Variants in MGAT4C observed in about 807,000 individuals in gnomAD.
The protein encoded by MGAT4C is alpha-1,3-mannosyl-glycoprotein 4-beta-N-acetylglucosaminyltransferase C.
In MGAT4C, 19 loss-of-function variants were observed where a neutral mutation model predicts 40.1. That is an observed-to-expected ratio of 0.47 (90% CI 0.33 to 0.70). MGAT4C has a LOEUF of 0.70. Among genes scored for constraint, MGAT4C ranks in the 30% least tolerant of loss-of-function variants. The pLI is 0.02. For synonymous variants in MGAT4C, 181 were observed against 187.1 expected, an observed-to-expected ratio of 0.97 and a Z score of 0.27; for missense variants, 491 against 563.2, an observed-to-expected ratio of 0.87 and a Z score of 1.30.
chr12:86,632,830 A>C (rs1421474487), intron 2 of MGAT4C, among the ~76,000 whole-genome samples: 4 of 152,100 alleles, frequency 2.6e-5, no homozygotes, highest in Non-Finnish European at 1.5e-5. Context: ...TGGGTGCAGC[A>C]AACCAACATG....
At chr12:86,345,836 T>A (rs1955019810) in intron 3 of MGAT4C, among the ~76,000 whole-genome samples, 1 of 152,224 alleles carries the variant, frequency 6.6e-6, no homozygotes, top group Non-Finnish European at 1.5e-5. Context: ...CACACCGACC[T>A]TCACAATGGT....
chr12:86,541,741 T>G (rs983290363), intron 2 of MGAT4C, among the ~76,000 whole-genome samples: 3 of 152,210 alleles, frequency 2.0e-5, no homozygotes, highest in African/African-American at 7.2e-5. Flanking sequence ...TTTTTAATGA[T>G]TTATAAAAAT....
At chr12:86,356,474 T>G (rs1955313633) in intron 3 of MGAT4C, among the ~76,000 whole-genome samples, 2 of 152,030 alleles carry the variant, frequency 1.3e-5, no homozygotes, top group East Asian at 1.9e-4. Context: ...CTGGGGCTTG[T>G]TGGACACTGG....
In MGAT4C at chr12:86,066,310, T is replaced by C. The variant is rs1458320053; in HGVS notation, c.-56-16587A>G. Among the ~76,000 whole-genome samples, 4 of 152,168 alleles carry C rather than the reference T, an allele frequency of 2.6e-5. No homozygotes were observed. In the East Asian group the frequency reaches 7.7e-4, roughly 29 times the overall value. ...CATCATGCTACCTGACTTCAAACTA[T>C]ACTACAAGTCTACAGTAACCAAAAC... On this transcript the variant is annotated intron_variant, in intron 1 of 4. Coordinates refer to ENST00000611864, the MANE Select transcript of MGAT4C (RefSeq NM_001351288.2).
intron 3 of MGAT4C, among the ~76,000 whole-genome samples, chr12:86,387,332 T>C (rs1956071168): frequency 6.6e-6 from 1 of 152,102 alleles, no homozygotes; most frequent in Non-Finnish European, 1.5e-5. Context: ...ATATTCATCC[T>C]CTGTTTTCTA....
At chr12:86,565,953 A>G (rs1403572432) in intron 2 of MGAT4C, among the ~76,000 whole-genome samples, 1 of 152,140 alleles carries the variant, frequency 6.6e-6, no homozygotes, top group African/African-American at 2.4e-5. Flanking sequence ...GGCTACAGCT[A>G]CCGCTGAGTG....
intron 1 of MGAT4C, among the ~76,000 whole-genome samples, chr12:86,754,697 T>C (rs994054463): frequency 6.6e-6 from 1 of 152,124 alleles, no homozygotes; most frequent in Non-Finnish European, 1.5e-5. Flanking sequence ...GACTGTATAA[T>C]GGAATTAGGC....
intron 1 of MGAT4C, among the ~76,000 whole-genome samples, chr12:86,829,370 C>A (rs1280222001): frequency 6.6e-6 from 1 of 151,472 alleles, no homozygotes; most frequent in Non-Finnish European, 1.5e-5. Context: ...TCCTAAACAA[C>A]CATTAGGCTT....
At chr12:86,740,174 C>T (rs1213160773) in intron 1 of MGAT4C, among the ~76,000 whole-genome samples, 2 of 151,026 alleles carry the variant, frequency 1.3e-5, no homozygotes, top group Non-Finnish European at 3.0e-5. Context: ...GCTATGTTCT[C>T]TTTTTATGAA....
intron 2 of MGAT4C, among the ~76,000 whole-genome samples, chr12:86,552,718 G>T (rs1959426663): frequency 6.6e-6 from 1 of 152,012 alleles, no homozygotes; most frequent in African/African-American, 2.4e-5. Context: ...GGTAGAGAAT[G>T]TGAAAAAATA....
chr12:86,829,659 G>T (rs1952879971), intron 1 of MGAT4C, among the ~76,000 whole-genome samples: 1 of 151,082 alleles, frequency 6.6e-6, no homozygotes, highest in South Asian at 2.1e-4. Context: ...CTGCAATAAT[G>T]GTTTTGACAT....
intron 3 of MGAT4C, among the ~76,000 whole-genome samples, chr12:86,426,000 A>G (rs1054355286): frequency 6.6e-6 from 1 of 152,232 alleles, no homozygotes; most frequent in Admixed American, 6.5e-5. Flanking sequence ...ATAAAATAAA[A>G]ATTAAAAAGT....
intron 1 of MGAT4C, among the ~76,000 whole-genome samples, chr12:86,795,895 T>C (rs999020838): frequency 1.3e-5 from 2 of 152,006 alleles, no homozygotes; most frequent in Admixed American, 1.3e-4. Context: ...CTGTAAAGTG[T>C]GTCAGAATTA....
At chr12:86,446,845 C>A (rs1181382983) in intron 2 of MGAT4C, among the ~76,000 whole-genome samples, 1 of 150,626 alleles carries the variant, frequency 6.6e-6, no homozygotes, top group Non-Finnish European at 1.5e-5. Context: ...GTAATACTAA[C>A]CCTACCTGTA....
chr12:86,658,538 C>A (rs1332344635), intron 2 of MGAT4C, among the ~76,000 whole-genome samples: 1 of 151,908 alleles, frequency 6.6e-6, no homozygotes. Context: ...AAGAGGATTA[C>A]TATTAAAAGA....
intron 1 of MGAT4C, among the ~76,000 whole-genome samples, chr12:86,741,219 A>G (rs1010761926): frequency 7.3e-5 from 11 of 151,422 alleles, no homozygotes; most frequent in Admixed American, 2.0e-4. Flanking sequence ...TACTGTTGAC[A>G]ATAGCAAAGA....
At chr12:86,030,173 T>C (rs1890611217) in intron 2 of MGAT4C, among the ~76,000 whole-genome samples, 1 of 151,790 alleles carries the variant, frequency 6.6e-6, no homozygotes, top group Non-Finnish European at 1.5e-5. Context: ...TTTTCCCATG[T>C]AGATACAACT....
At chr12:86,771,851 A>T (rs1231382907) in intron 1 of MGAT4C, among the ~76,000 whole-genome samples, 1 of 152,124 alleles carries the variant, frequency 6.6e-6, no homozygotes, top group East Asian at 1.9e-4. Flanking sequence ...AAGTTTAGCC[A>T]AATTGTGTTC....
rs532996573 is a variant in MGAT4C at position 86,232,084 on chromosome 12, G to A, written c.-57+24155C>T. Among the ~76,000 whole-genome samples the A allele has an allele frequency of 2.5e-3, 376 of 150,164 alleles. 1 individual carries two copies. Among genetic ancestry groups the A allele is most frequent in the Middle Eastern group, 0.01 (3 of 294 alleles). ...TTGAACCCGGGAGGCCGAGTGAGCC[G>A]AGGTAGCGCCACCGTACTCCAGCCT... On this transcript the variant is annotated intron_variant, in intron 1 of 4. Transcript: ENST00000611864.
Sources: gnomAD v4.1 joint callset for allele counts (sites outside exome capture counted in the v4.1 genomes callset) on GRCh38, gnomAD v4.1.1 for gene constraint, MANE v1.5 for transcripts, NCBI Gene and HGNC (gene_info 2026-07-23, HGNC 2026-07-21) for gene names.